The following CTTNBP2 variants were observed in gnomAD, a reference collection of about 807,000 sequenced individuals.
CTTNBP2 encodes the protein cortactin-binding protein 2.
CTTNBP2 carries 108 observed loss-of-function variants against 156.9 expected under a neutral mutation model. The ratio of observed to expected loss-of-function variants is 0.69; its 90% CI spans 0.59 to 0.81. The LOEUF is 0.81. Ranked by LOEUF, CTTNBP2 falls within the 30% of genes least tolerant of loss-of-function variation. The pLI, the probability that CTTNBP2 is intolerant of heterozygous loss-of-function variation, is 0.00. For missense variants in CTTNBP2, 1,924 were observed against 2,035.4 expected, an observed-to-expected ratio of 0.95 and a Z score of 1.05; for synonymous variants, 767 against 751.8, an observed-to-expected ratio of 1.02 and a Z score of -0.33.
At chr7:117,821,358 CTTTTT>C (rs1435053307) in intron 2 of CTTNBP2, among the ~76,000 whole-genome samples, 1 of 151,060 alleles carries the variant, frequency 6.6e-6, no homozygotes, top group East Asian at 1.9e-4. Context: ...TTTCAGTTTT[CTTTTT>C]GTTTTTTGTT....
intron 7 of CTTNBP2, 30 bp from the exon 8 acceptor site, chr7:117,777,795 T>C: frequency 6.3e-7 from 1 of 1,587,678 alleles, no homozygotes; most frequent in Non-Finnish European, 8.6e-7. Context: ...GGGGAAAGGG[T>C]TGATAACAAC....
chr7:117,714,684 G>C (rs1794244498), intron 22 of CTTNBP2, among the ~76,000 whole-genome samples: 1 of 152,196 alleles, frequency 6.6e-6, no homozygotes, highest in African/African-American at 2.4e-5. Flanking sequence ...AAAACATGTA[G>C]TTTGGTCAGT....
At chr7:117,774,168 G>A (rs541628006) in intron 8 of CTTNBP2, among the ~76,000 whole-genome samples, 1 of 152,164 alleles carries the variant, frequency 6.6e-6, no homozygotes, top group South Asian at 2.1e-4. Context: ...CAGGCCAGCT[G>A]TAGAGAGAGG....
At chr7:117,765,895 T>C (rs1296828352) in intron 9 of CTTNBP2, among the ~76,000 whole-genome samples, 1 of 152,152 alleles carries the variant, frequency 6.6e-6, no homozygotes, top group Non-Finnish European at 1.5e-5. Context: ...GAAATGAGCA[T>C]TAAACTGCCC....
rs188572470 is a variant in CTTNBP2 at position 117,865,065 on chromosome 7, T to C, written c.82-3749A>G. On this transcript the variant is annotated intron_variant, in intron 1 of 22. Transcript: ENST00000160373. ...ATATAGAAAAAATATTAAAGTTTCT[T>C]GGTTTAAGAGCCAAACGAACTATTT... Among the ~76,000 whole-genome samples the C allele has an allele frequency of 2.9e-3, 440 of 151,096 alleles. 1 individual carries two copies. Among genetic ancestry groups the C allele is most frequent in the Non-Finnish European group, 5.3e-3 (356 of 67,774 alleles).
chr7:117,865,272 C>T (rs898892564), intron 1 of CTTNBP2, among the ~76,000 whole-genome samples: 2 of 151,532 alleles, frequency 1.3e-5, no homozygotes, highest in Admixed American at 6.6e-5. Context: ...CAGACATGTT[C>T]GCAGACTAAA....
chr7:117,760,576 T>C lies in CTTNBP2; in HGVS notation c.3031A>G (p.Lys1011Glu). ...RKQTSWDDFS[K>E]AVSQALTNHF... ...TTTGTCAGAGCTTGACTCACTGCTT[T>C]TGAAAAATCATCCCATGATGTCTGT... The change falls in exon 10 of 23, where the codon AAA (lysine) becomes GAA (glutamate). Residue 1011 changes from lysine to glutamate, a missense_variant. Transcript: ENST00000160373. 3 of 1,614,158 alleles carry C rather than the reference T, an allele frequency of 1.9e-6. No homozygotes were observed. The highest frequency in any genetic ancestry group is 2.5e-6 in the Non-Finnish European group (3 of 1,180,012).
intron 8 of CTTNBP2, among the ~76,000 whole-genome samples, chr7:117,768,207 C>T (rs1188303500): frequency 6.6e-6 from 1 of 151,994 alleles, no homozygotes; most frequent in Non-Finnish European, 1.5e-5. Context: ...CTGTAGCACA[C>T]CCTTACATCC....
intron 8 of CTTNBP2, among the ~76,000 whole-genome samples, chr7:117,767,903 T>C (rs1459283125): frequency 6.6e-6 from 1 of 152,186 alleles, no homozygotes; most frequent in Non-Finnish European, 1.5e-5. Context: ...AATTTTCTAA[T>C]AAATAAGCAC....
In CTTNBP2 at chr7:117,869,448, G is replaced by A. The variant is rs145047990; in HGVS notation, c.81+3887C>T. Among the ~76,000 whole-genome samples the A allele has an allele frequency of 5.3e-5, 8 of 152,252 alleles. No individual in the cohort carries two copies. The East Asian group carries it at 1.5e-3, about 29-fold the overall frequency. ...ACACTTACCATGTGCCTGGCATTGTGCTAACCACCTTTGCTTTCTTTTACA... is the reference window on the plus strand; with the variant it reads ...ACACTTACCATGTGCCTGGCATTGTACTAACCACCTTTGCTTTCTTTTACA... On this transcript the variant is annotated intron_variant, in intron 1 of 22. Coordinates refer to ENST00000160373, the MANE Select transcript of CTTNBP2 (RefSeq NM_033427.3).
intron 2 of CTTNBP2, among the ~76,000 whole-genome samples, chr7:117,834,487 T>TC (rs1563053383): frequency 2.0e-5 from 3 of 152,260 alleles, no homozygotes; most frequent in Admixed American, 6.5e-5. Context: ...ATCCTTTTTT[T>TC]CCCTATTTAT....
intron 2 of CTTNBP2, among the ~76,000 whole-genome samples, chr7:117,836,569 A>T (rs1801960508): frequency 1.3e-5 from 2 of 152,202 alleles, no homozygotes; most frequent in Admixed American, 1.3e-4. Flanking sequence ...TCTCAAAAAA[A>T]CAAAACAAAA....
intron 2 of CTTNBP2, among the ~76,000 whole-genome samples, chr7:117,856,620 A>G (rs1803337280): frequency 6.6e-6 from 1 of 152,232 alleles, no homozygotes; most frequent in African/African-American, 2.4e-5. Flanking sequence ...AGTCTAGATT[A>G]TATAGTTACT....
At chr7:117,810,313 C>CG (rs1403755667) in intron 3 of CTTNBP2, among the ~76,000 whole-genome samples, 1 of 152,076 alleles carries the variant, frequency 6.6e-6, no homozygotes, top group Non-Finnish European at 1.5e-5. Context: ...CATTTCCCCC[C>CG]GCCAAAATTA....
intron 3 of CTTNBP2, among the ~76,000 whole-genome samples, chr7:117,798,636 A>G (rs35930377): frequency 1.3e-5 from 2 of 152,252 alleles, no homozygotes; most frequent in Admixed American, 1.3e-4. Flanking sequence ...ACTTTAGAAG[A>G]GCTGCCTCAA....
At chr7:117,770,271 T>G (rs1270657988) in intron 8 of CTTNBP2, among the ~76,000 whole-genome samples, 1 of 152,242 alleles carries the variant, frequency 6.6e-6, no homozygotes, top group Non-Finnish European at 1.5e-5. Flanking sequence ...GCCGTCAAAG[T>G]AGGTTATTTC....
At chr7:117,724,419 T>C (rs1393937931) in intron 19 of CTTNBP2, 128 bp downstream of exon 19, 7 of 751,686 alleles carry the variant, frequency 9.3e-6, no homozygotes, top group Non-Finnish European at 1.5e-5. Flanking sequence ...CATGAAAATG[T>C]GCATTAAAAT....
intron 8 of CTTNBP2, among the ~76,000 whole-genome samples, chr7:117,767,626 T>C (rs1325915633): frequency 5.3e-5 from 8 of 152,242 alleles, no homozygotes; most frequent in Non-Finnish European, 1.0e-4. Flanking sequence ...GCTCTAATTT[T>C]AACAATTCTA....
At chr7:117,803,864 A>T (rs1169835528) in intron 3 of CTTNBP2, among the ~76,000 whole-genome samples, 3 of 152,226 alleles carry the variant, frequency 2.0e-5, no homozygotes, top group African/African-American at 7.2e-5. Flanking sequence ...AGGTAAATAT[A>T]AGCAAATCAT....
Sources: gnomAD v4.1 joint callset for allele counts (sites outside exome capture counted in the v4.1 genomes callset) on GRCh38, gnomAD v4.1.1 for gene constraint, MANE v1.5 for transcripts, NCBI Gene and HGNC (gene_info 2026-07-23, HGNC 2026-07-21) for gene names.